KIAA1328: variants seen among roughly 807,000 people sequenced by gnomAD.
KIAA1328 encodes protein hinderin.
Under a neutral mutation model 68.1 loss-of-function variants are expected in KIAA1328, and 52 were observed. The ratio of observed to expected loss-of-function variants is 0.76; its 90% CI spans 0.61 to 0.96. KIAA1328 has a LOEUF of 0.96. KIAA1328 is among the 40% of genes least tolerant of loss of function. KIAA1328 has a pLI of 0.00. For missense variants in KIAA1328, 641 were observed against 677.6 expected (o/e 0.95, Z 0.60); for synonymous variants, 232 against 239.4 (o/e 0.97, Z 0.28).
At chr18:37,114,608 G>A (rs1365332619) in intron 7 of KIAA1328, among the ~76,000 whole-genome samples, 2 of 152,122 alleles carry the variant, frequency 1.3e-5, no homozygotes, top group African/African-American at 2.4e-5. Flanking sequence ...AACTAGAGAA[G>A]CAAGAGCAAA....
intron 6 of KIAA1328, among the ~76,000 whole-genome samples, chr18:36,992,361 T>A (rs1320263869): frequency 1.3e-5 from 2 of 152,094 alleles, no homozygotes; most frequent in African/African-American, 4.8e-5. Context: ...TGGTTTATAG[T>A]TCTATCTTTT....
chr18:37,010,274 C>T (rs1281407900), intron 6 of KIAA1328, among the ~76,000 whole-genome samples: 2 of 151,748 alleles, frequency 1.3e-5, no homozygotes, highest in African/African-American at 4.8e-5. Flanking sequence ...GAAACCCCAT[C>T]TCTACTAAAA....
intron 9 of KIAA1328, among the ~76,000 whole-genome samples, chr18:37,186,871 TG>T (rs1052549996): frequency 1.3e-5 from 2 of 152,068 alleles, no homozygotes; most frequent in African/African-American, 4.8e-5. Context: ...TGACTATTAC[TG>T]AGATTAAAAG....
chr18:36,975,820 C>G (rs576558916), intron 6 of KIAA1328, among the ~76,000 whole-genome samples: 1 of 152,156 alleles, frequency 6.6e-6, no homozygotes, highest in South Asian at 2.1e-4. Context: ...TACAGAGAAT[C>G]CCAGTTAAGA....
At chr18:36,996,964 G>C (rs1205374508) in intron 6 of KIAA1328, among the ~76,000 whole-genome samples, 1 of 152,072 alleles carries the variant, frequency 6.6e-6, no homozygotes, top group African/African-American at 2.4e-5. Flanking sequence ...TTGTTTTTCT[G>C]TCTGTGTCTG....
At chr18:36,958,850 TA>T (rs1448811861) in intron 5 of KIAA1328, among the ~76,000 whole-genome samples, 1 of 152,006 alleles carries the variant, frequency 6.6e-6, no homozygotes, top group African/African-American at 2.4e-5. Flanking sequence ...CTAATTTGTC[TA>T]TTTTTTTTTT....
At chr18:36,926,977 G>A (rs2050141471) in intron 5 of KIAA1328, among the ~76,000 whole-genome samples, 1 of 152,116 alleles carries the variant, frequency 6.6e-6, no homozygotes, top group Admixed American at 6.6e-5. Context: ...AGCGACAATG[G>A]GGAGGTCCCA....
chr18:37,230,877 A>C (rs1269375942), downstream of KIAA1328: 3 of 152,190 alleles, frequency 2.0e-5, no homozygotes, highest in African/African-American at 7.2e-5. Flanking sequence ...AAAATACACA[A>C]GTTCCCCACT....
chr18:37,096,890 T>A (rs561778507), intron 7 of KIAA1328, among the ~76,000 whole-genome samples: 1 of 152,392 alleles, frequency 6.6e-6, no homozygotes, highest in Admixed American at 6.5e-5. Context: ...AAGTGTCTGT[T>A]CATTTCCTTC....
chr18:36,945,280 G>T (rs979505957), intron 5 of KIAA1328, among the ~76,000 whole-genome samples: 1 of 152,114 alleles, frequency 6.6e-6, no homozygotes, highest in African/African-American at 2.4e-5. Flanking sequence ...GAATCATTCT[G>T]CTGAACAGTC....
At chr18:37,146,648 G>C (rs536529057) in intron 7 of KIAA1328, among the ~76,000 whole-genome samples, 1 of 152,166 alleles carries the variant, frequency 6.6e-6, no homozygotes, top group South Asian at 2.1e-4. Flanking sequence ...GCTCCTTCAG[G>C]ATAATTCCTC....
chr18:37,151,746 TCC>T (rs2059034312), intron 7 of KIAA1328, among the ~76,000 whole-genome samples: 1 of 152,154 alleles, frequency 6.6e-6, no homozygotes, highest in African/African-American at 2.4e-5. Flanking sequence ...TGAACCTTGA[TCC>T]CTACCTCACA....
intron 9 of KIAA1328, among the ~76,000 whole-genome samples, chr18:37,194,399 C>G (rs935094547): frequency 4.6e-5 from 7 of 152,306 alleles, no homozygotes; most frequent in Admixed American, 6.5e-5. Context: ...TTTTTGTCCA[C>G]TTTCCACTGT....
At chr18:36,976,323 G>T (rs1456798825) in intron 6 of KIAA1328, among the ~76,000 whole-genome samples, 2 of 152,182 alleles carry the variant, frequency 1.3e-5, no homozygotes, top group Admixed American at 6.5e-5. Flanking sequence ...TCGTGACTGG[G>T]CTTGTTAGCT....
intron 6 of KIAA1328, among the ~76,000 whole-genome samples, chr18:36,983,589 A>C (rs7244536): frequency 0.013 from 2,047 of 152,154 alleles, 47 homozygotes; most frequent in African/African-American, 0.047. Context: ...AAAAAAGGAT[A>C]ACCTAGTTTT....
intron 7 of KIAA1328, among the ~76,000 whole-genome samples, chr18:37,137,580 A>G (rs186875073): frequency 1.3e-5 from 2 of 152,264 alleles, no homozygotes; most frequent in Admixed American, 6.5e-5. Context: ...TGACTTCTCA[A>G]TAGTAGGTGA....
intron 9 of KIAA1328, among the ~76,000 whole-genome samples, chr18:37,197,168 G>A (rs1599568597): frequency 6.6e-6 from 1 of 151,868 alleles, no homozygotes; most frequent in Non-Finnish European, 1.5e-5. Flanking sequence ...GATGCAAAAT[G>A]TTTCTTTTTT....
chr18:37,149,641 G>A lies in KIAA1328; in HGVS notation c.1233-10559G>A, dbSNP rs74680721. On this transcript the variant is annotated intron_variant, in intron 7 of 9. Transcript: ENST00000280020. ...TATTTGTGTACCTGAATATAGAAAAGGTATAGTAAAAAATTGATATTATAA... is the reference window on the plus strand; with the variant it reads ...TATTTGTGTACCTGAATATAGAAAAAGTATAGTAAAAAATTGATATTATAA... Among the ~76,000 whole-genome samples the A allele has an allele frequency of 1.7e-4, 26 of 152,150 alleles. 1 individual carries two copies. In the East Asian group the frequency reaches 5.0e-3, roughly 29 times the overall value.
chr18:36,996,531 CT>C (rs1383166473), intron 6 of KIAA1328, among the ~76,000 whole-genome samples: 3 of 151,572 alleles, frequency 2.0e-5, no homozygotes, highest in African/African-American at 7.3e-5. Context: ...AGTTTTTTTT[CT>C]TTTTTCCTTA....
Sources: allele counts gnomAD v4.1 joint callset (sites outside exome capture counted in the v4.1 genomes callset), GRCh38; gene constraint gnomAD v4.1.1; transcripts MANE v1.5; gene names NCBI Gene and HGNC (gene_info 2026-07-23, HGNC 2026-07-21).